Variants in DAB1 observed in about 807,000 individuals in gnomAD.
DAB1 encodes disabled homolog 1.
In DAB1, 15 loss-of-function variants were observed where a neutral mutation model predicts 64.6. The observed-to-expected ratio is 0.23, with a 90% CI of 0.16 to 0.36. The LOEUF (loss-of-function observed/expected upper bound fraction) is 0.36. DAB1 is among the 10% of genes least tolerant of loss of function. The pLI, the probability that DAB1 is intolerant of heterozygous loss-of-function variation, is 1.00. For missense variants in DAB1, 596 were observed against 706.7 expected (o/e 0.84, Z 1.78); for synonymous variants, 235 against 251.9 (o/e 0.93, Z 0.64).
At chr1:57,591,032 G>A (rs923298179) in intron 7 of DAB1, among the ~76,000 whole-genome samples, 3 of 152,120 alleles carry the variant, frequency 2.0e-5, no homozygotes, top group Non-Finnish European at 4.4e-5. Context: ...GCCAGGTGAC[G>A]GTGAAATTGC....
chr1:57,235,201 T>G lies in DAB1; in HGVS notation c.67+55763A>C, dbSNP rs191891596. ...CTCTGAATTTCGGTTGGACTCCCACTTTGCCACTTATTCTCTGTGTGCTTC... is the reference window on the plus strand; with the variant it reads ...CTCTGAATTTCGGTTGGACTCCCACGTTGCCACTTATTCTCTGTGTGCTTC... On this transcript the variant is annotated intron_variant, in intron 2 of 14. Transcript: ENST00000371236. Among the ~76,000 whole-genome samples the G allele has an allele frequency of 7.4e-3, 1,132 of 152,336 alleles. 7 individuals are homozygous for G. Among genetic ancestry groups the G allele is most frequent in the Non-Finnish European group, 0.012 (827 of 68,022 alleles).
chr1:57,974,301 T>C (rs1011540221), intron 5 of DAB1, among the ~76,000 whole-genome samples: 2 of 152,080 alleles, frequency 1.3e-5, no homozygotes, highest in African/African-American at 4.8e-5. Flanking sequence ...TGAGTGCCAT[T>C]TTTAAGTCTT....
At chr1:57,304,219 T>G (rs1570224237) in intron 1 of DAB1, among the ~76,000 whole-genome samples, 1 of 151,402 alleles carries the variant, frequency 6.6e-6, no homozygotes, top group East Asian at 1.9e-4. Flanking sequence ...GTGGGGGAGG[T>G]GCCTCATACT....
At chr1:57,660,343 C>T (rs1297962239) in intron 6 of DAB1, among the ~76,000 whole-genome samples, 4 of 152,174 alleles carry the variant, frequency 2.6e-5, no homozygotes, top group Non-Finnish European at 5.9e-5. Flanking sequence ...TACTCTTAGT[C>T]AAAGGCTCTT....
chr1:57,707,432 G>A (rs1420960812), intron 6 of DAB1, among the ~76,000 whole-genome samples: 1 of 151,862 alleles, frequency 6.6e-6, no homozygotes, highest in Non-Finnish European at 1.5e-5. Flanking sequence ...CTATTGAGGG[G>A]CATTTTGTTT....
intron 7 of DAB1, among the ~76,000 whole-genome samples, chr1:57,487,156 G>T (rs757826301): frequency 6.6e-6 from 1 of 152,050 alleles, no homozygotes; most frequent in Non-Finnish European, 1.5e-5. Context: ...ATGATGCGAT[G>T]GAACCAGACT....
intron 5 of DAB1, among the ~76,000 whole-genome samples, chr1:58,037,854 C>T (rs1201013989): frequency 6.6e-6 from 1 of 152,128 alleles, no homozygotes; most frequent in African/African-American, 2.4e-5. Context: ...AGGTTCATAT[C>T]AGTCTCAGTT....
chr1:57,010,528 C>A (rs1646230962), intron 14 of DAB1, among the ~76,000 whole-genome samples, 152 bp downstream of exon 14: 1 of 152,094 alleles, frequency 6.6e-6, no homozygotes, highest in African/African-American at 2.4e-5. Flanking sequence ...GAATACAGTT[C>A]AGGGAAGGAG....
At chr1:57,297,521 A>AATAT (rs144868781) in intron 1 of DAB1, among the ~76,000 whole-genome samples, 2 of 151,792 alleles carry the variant, frequency 1.3e-5, no homozygotes, top group Admixed American at 6.6e-5. Flanking sequence ...TATATGTGTG[A>AATAT]ATATATATAT....
At chr1:57,930,694 T>C (rs1644941757) in intron 5 of DAB1, among the ~76,000 whole-genome samples, 1 of 152,182 alleles carries the variant, frequency 6.6e-6, no homozygotes, top group Non-Finnish European at 1.5e-5. Flanking sequence ...AGAAGAGTAA[T>C]TCACTTCATA....
intron 6 of DAB1, among the ~76,000 whole-genome samples, chr1:57,722,307 G>C (rs780664315): frequency 2.0e-5 from 3 of 152,176 alleles, no homozygotes; most frequent in African/African-American, 7.2e-5. Context: ...CTAGCTCCAT[G>C]ATGAAGCTGG....
At chr1:58,537,046 T>C (rs1646529349) in intron 1 of DAB1, among the ~76,000 whole-genome samples, 1 of 151,470 alleles carries the variant, frequency 6.6e-6, no homozygotes, top group East Asian at 2.0e-4. Flanking sequence ...TTTATTACTA[T>C]CTAGTACATG....
At chr1:58,427,965 G>T (rs1333494530) in intron 3 of DAB1, among the ~76,000 whole-genome samples, 1 of 152,132 alleles carries the variant, frequency 6.6e-6, no homozygotes, top group Non-Finnish European at 1.5e-5. Context: ...CCTTCATAAT[G>T]AAACTGAAAA....
At chr1:57,950,459 C>T (rs1570053567) in intron 5 of DAB1, among the ~76,000 whole-genome samples, 1 of 152,162 alleles carries the variant, frequency 6.6e-6, no homozygotes, top group East Asian at 1.9e-4. Context: ...CCTCATTTCT[C>T]CATGTCCTCC....
intron 6 of DAB1, among the ~76,000 whole-genome samples, chr1:57,710,365 T>C (rs533273131): frequency 1.1e-4 from 16 of 152,340 alleles, no homozygotes; most frequent in South Asian, 4.1e-4. Flanking sequence ...TCTAGTCTAA[T>C]TCCATGATTC....
At chr1:58,241,046 T>C (rs916964429) in intron 4 of DAB1, among the ~76,000 whole-genome samples, 12 of 152,290 alleles carry the variant, frequency 7.9e-5, no homozygotes, top group African/African-American at 2.6e-4. Flanking sequence ...TTAAAATCCA[T>C]ATATCCATAT....
chr1:57,388,548 C>T (rs1194359442), intron 1 of DAB1, among the ~76,000 whole-genome samples: 2 of 152,132 alleles, frequency 1.3e-5, no homozygotes, highest in African/African-American at 4.8e-5. Flanking sequence ...CAAACTGAGC[C>T]CCATCCCCTC....
chr1:57,520,818 G>C (rs1447230735), intron 7 of DAB1, among the ~76,000 whole-genome samples: 1 of 152,008 alleles, frequency 6.6e-6, no homozygotes, highest in Non-Finnish European at 1.5e-5. Flanking sequence ...GTGCAAGCAG[G>C]CTGGAAAGTC....
At chr1:57,977,868 G>C (rs994279863) in intron 5 of DAB1, among the ~76,000 whole-genome samples, 1 of 151,892 alleles carries the variant, frequency 6.6e-6, no homozygotes, top group African/African-American at 2.4e-5. Context: ...GAATATGAAG[G>C]ACCTCTTCAA....
Sources: gnomAD v4.1 joint callset for allele counts (sites outside exome capture counted in the v4.1 genomes callset) on GRCh38, gnomAD v4.1.1 for gene constraint, MANE v1.5 for transcripts, NCBI Gene and HGNC (gene_info 2026-07-23, HGNC 2026-07-21) for gene names.